TMTC2: variants seen among roughly 807,000 people sequenced by gnomAD.
TMTC2 encodes protein O-mannosyl-transferase TMTC2.
In TMTC2, 43 loss-of-function variants were observed where a neutral mutation model predicts 82.4. That is an observed-to-expected ratio of 0.52 (90% CI 0.41 to 0.67). The LOEUF (loss-of-function observed/expected upper bound fraction) is 0.67, where lower values mean the gene tolerates loss of function less well. TMTC2 is among the 30% of genes least tolerant of loss of function. TMTC2 has a pLI of 0.00. For missense variants in TMTC2, 919 were observed against 1,012.4 expected (o/e 0.91, Z 1.25); for synonymous variants, 408 against 381.9 (o/e 1.07, Z -0.80).
chr12:82,845,909 A>G (rs368049232), intron 1 of TMTC2, among the ~76,000 whole-genome samples: 4 of 150,010 alleles, frequency 2.7e-5, no homozygotes, highest in East Asian at 3.9e-4. Flanking sequence ...TAAATGGTTT[A>G]TTAGTTTTCA....
intron 1 of TMTC2, among the ~76,000 whole-genome samples, chr12:82,855,796 A>G (rs542585498): frequency 6.6e-6 from 1 of 152,322 alleles, no homozygotes; most frequent in East Asian, 1.9e-4. Context: ...TTAATTTTCA[A>G]CAGCTTTATT....
intron 9 of TMTC2, 146 bp from the exon 10 acceptor site, chr12:83,050,758 C>T: frequency 1.9e-6 from 1 of 518,316 alleles, no homozygotes; most frequent in Non-Finnish European, 3.4e-6. Context: ...AAGCAAAAAG[C>T]ATATAAATAA....
At chr12:83,020,090 A>G (rs556079509) in intron 8 of TMTC2, among the ~76,000 whole-genome samples, 10 of 152,304 alleles carry the variant, frequency 6.6e-5, no homozygotes, top group African/African-American at 2.4e-4. Flanking sequence ...TCAAGCATCA[A>G]TTCTTTGGAA....
At chr12:82,972,349 C>T (rs774092668) in intron 7 of TMTC2, among the ~76,000 whole-genome samples, 3 of 152,018 alleles carry the variant, frequency 2.0e-5, no homozygotes, top group Non-Finnish European at 4.4e-5. Flanking sequence ...TATTTTCCTC[C>T]ATCATCCTTC....
chr12:83,043,115 C>G (rs1002323395), intron 9 of TMTC2, among the ~76,000 whole-genome samples: 1 of 152,130 alleles, frequency 6.6e-6, no homozygotes, highest in Non-Finnish European at 1.5e-5. Flanking sequence ...TCTGAAAGAG[C>G]GAAAGCATAT....
chr12:82,869,228 G>A (rs1442001422), intron 2 of TMTC2, among the ~76,000 whole-genome samples: 1 of 152,126 alleles, frequency 6.6e-6, no homozygotes, highest in Admixed American at 6.5e-5. Flanking sequence ...TGCTCATGGG[G>A]AAATTATTTT....
chr12:82,927,490 A>T (rs1489072045), intron 3 of TMTC2, among the ~76,000 whole-genome samples: 1 of 152,200 alleles, frequency 6.6e-6, no homozygotes, highest in Non-Finnish European at 1.5e-5. Context: ...ACATTGCTGA[A>T]ATGACAACAA....
chr12:82,699,545 G>T (rs1419727709), intron 1 of TMTC2, among the ~76,000 whole-genome samples: 2 of 152,044 alleles, frequency 1.3e-5, no homozygotes, highest in Non-Finnish European at 2.9e-5. Context: ...AGTAGTTCTG[G>T]CAGTGTGGCG....
At chr12:82,789,108 G>A (rs1040651194) in intron 1 of TMTC2, among the ~76,000 whole-genome samples, 19 of 152,054 alleles carry the variant, frequency 1.2e-4, no homozygotes, top group African/African-American at 4.1e-4. Flanking sequence ...TTTTTGATTC[G>A]GCTTCCTTTT....
intron 2 of TMTC2, among the ~76,000 whole-genome samples, chr12:82,880,977 A>AT (rs1872799324): frequency 6.6e-6 from 1 of 152,140 alleles, no homozygotes; most frequent in Non-Finnish European, 1.5e-5. Flanking sequence ...CTCATGAGAG[A>AT]TTTTTACAGT....
At position 82,965,738 on chromosome 12, in the gene TMTC2, C is replaced by T. The variant is rs1391953364; in HGVS notation, c.1863C>T (p.His621=). The change falls in exon 6 of 12, where the codon CAC becomes CAT. Residue 621 remains histidine (H), a synonymous_variant. Transcript: ENST00000321196. The part of the protein sequence containing the change: ...NLGKLYHEQG[H]YEEALSVYKE... ...GAAAGCTGTATCATGAGCAGGGACA[C>T]TATGAGGTCTGGCCAATGCCTCTCT... 1.9e-6 allele frequency: 3 copies of T among 1,613,766 alleles called. No individual in the cohort carries two copies. Among genetic ancestry groups the T allele is most frequent in the East Asian group, 2.2e-5 (1 of 44,862 alleles).
At chr12:82,759,799 C>T (rs1053238608) in intron 1 of TMTC2, 1 of 152,164 alleles carries the variant, frequency 6.6e-6, no homozygotes, top group East Asian at 1.9e-4. Flanking sequence ...AAAGATCTAT[C>T]GAGTGGCAAC....
At chr12:82,850,351 G>A (rs1327946530) in intron 1 of TMTC2, among the ~76,000 whole-genome samples, 1 of 152,134 alleles carries the variant, frequency 6.6e-6, no homozygotes, top group Non-Finnish European at 1.5e-5. Context: ...GTTAATAGAA[G>A]ACCCTGGATT....
chr12:82,779,961 T>G (rs1451592369), intron 1 of TMTC2, among the ~76,000 whole-genome samples: 1 of 152,156 alleles, frequency 6.6e-6, no homozygotes, highest in Non-Finnish European at 1.5e-5. Context: ...TAAGTGAGAC[T>G]CATCCATTCG....
intron 11 of TMTC2, among the ~76,000 whole-genome samples, chr12:83,113,130 TTATTG>T (rs1405613316): frequency 6.6e-6 from 1 of 152,182 alleles, no homozygotes; most frequent in Admixed American, 6.5e-5. Context: ...TGTGATTGCT[TTATTG>T]ATTGCTGGTT....
chr12:83,130,722 G>A (rs1342760229), intron 11 of TMTC2, among the ~76,000 whole-genome samples: 6 of 152,154 alleles, frequency 3.9e-5, no homozygotes, highest in East Asian at 1.9e-4. Flanking sequence ...AAAATTGATC[G>A]TGATATTTGT....
chr12:82,997,219 CTCTA>C (rs1213530097), intron 8 of TMTC2, among the ~76,000 whole-genome samples: 49 of 127,536 alleles, frequency 3.8e-4, no homozygotes, highest in East Asian at 3.6e-3. Flanking sequence ...CTCTCTCTCT[CTCTA>C]TATATATATA....
intron 7 of TMTC2, among the ~76,000 whole-genome samples, chr12:82,968,664 A>G (rs1878323597): frequency 1.3e-5 from 2 of 152,176 alleles, no homozygotes; most frequent in African/African-American, 4.8e-5. Flanking sequence ...GATGATGTTC[A>G]CTAGAGTTAG....
intron 1 of TMTC2, among the ~76,000 whole-genome samples, chr12:82,823,727 T>G (rs1455628535): frequency 6.6e-6 from 1 of 152,204 alleles, no homozygotes; most frequent in Non-Finnish European, 1.5e-5. Flanking sequence ...CAGGTAACCC[T>G]GTTCTTGAGA....
Sources: allele counts gnomAD v4.1 joint callset (sites outside exome capture counted in the v4.1 genomes callset), GRCh38; gene constraint gnomAD v4.1.1; transcripts MANE v1.5; gene names NCBI Gene and HGNC (gene_info 2026-07-23, HGNC 2026-07-21).